The following FTO variants were observed in gnomAD, a reference collection of about 807,000 sequenced individuals.
The protein encoded by FTO is alpha-ketoglutarate-dependent dioxygenase FTO.
FTO carries 47 observed loss-of-function variants against 63.9 expected under a neutral mutation model. That is an observed-to-expected ratio of 0.74 (90% CI 0.58 to 0.94). The LOEUF (loss-of-function observed/expected upper bound fraction) is 0.94, where lower values mean the gene tolerates loss of function less well. Ranked by LOEUF, FTO falls within the 40% of genes least tolerant of loss-of-function variation. The pLI is 0.00. For synonymous variants in FTO, 207 were observed against 224.4 expected, an observed-to-expected ratio of 0.92 and a Z score of 0.69; for missense variants, 562 against 618.1, an observed-to-expected ratio of 0.91 and a Z score of 0.96.
intron 7 of FTO, among the ~76,000 whole-genome samples, chr16:53,913,754 G>A (rs1186657808): frequency 6.6e-6 from 1 of 152,068 alleles, no homozygotes; most frequent in African/African-American, 2.4e-5. Context: ...TGAGGTGGGT[G>A]GATCACCTGA....
chr16:54,030,196 C>T (rs1387481367), intron 8 of FTO, among the ~76,000 whole-genome samples: 1 of 152,124 alleles, frequency 6.6e-6, no homozygotes, highest in Non-Finnish European at 1.5e-5. Flanking sequence ...CCACCTTGTT[C>T]ATATGGAAGA....
chr16:54,002,272 G>A (rs13338892), intron 8 of FTO, among the ~76,000 whole-genome samples: 28,502 of 152,040 alleles, frequency 0.19, 3,268 homozygotes, highest in African/African-American at 0.31. Context: ...CTCCGACCTC[G>A]GCCTCCTGAA....
chr16:53,906,496 C>T (rs2081543942), intron 7 of FTO, among the ~76,000 whole-genome samples: 1 of 152,122 alleles, frequency 6.6e-6, no homozygotes, highest in Non-Finnish European at 1.5e-5. Flanking sequence ...GGGAGGGAAA[C>T]AGCTATGTTT....
At chr16:53,760,986 CT>C (rs1354827184) in intron 1 of FTO, among the ~76,000 whole-genome samples, 1 of 135,942 alleles carries the variant, frequency 7.4e-6, no homozygotes, top group Non-Finnish European at 1.5e-5. Flanking sequence ...TTGTTGTCTC[CT>C]TTTCTTTTTT....
At chr16:53,736,225 G>A (rs1160063620) in intron 1 of FTO, among the ~76,000 whole-genome samples, 1 of 152,068 alleles carries the variant, frequency 6.6e-6, no homozygotes, top group African/African-American at 2.4e-5. Context: ...GTATCGTACC[G>A]AGGTACGTCA....
chr16:54,068,494 G>A (rs1247439478), intron 8 of FTO, among the ~76,000 whole-genome samples: 6 of 152,064 alleles, frequency 3.9e-5, no homozygotes, highest in Non-Finnish European at 2.9e-5. Flanking sequence ...ACAGTTACCT[G>A]GCCCTATTGT....
intron 8 of FTO, among the ~76,000 whole-genome samples, chr16:53,971,030 C>T (rs1401401913): frequency 2.6e-5 from 4 of 152,288 alleles, no homozygotes; most frequent in East Asian, 1.9e-4. Context: ...ACTGCATATA[C>T]ATTTTATATA....
intron 8 of FTO, among the ~76,000 whole-genome samples, chr16:53,974,253 A>G (rs780565703): frequency 5.3e-5 from 8 of 152,214 alleles, no homozygotes; most frequent in Non-Finnish European, 1.0e-4. Flanking sequence ...CTAATAGTAC[A>G]GGGGTCTGAT....
At chr16:53,921,144 A>C (rs1426183354) in intron 7 of FTO, among the ~76,000 whole-genome samples, 1 of 152,240 alleles carries the variant, frequency 6.6e-6, no homozygotes, top group Non-Finnish European at 1.5e-5. Flanking sequence ...CAATGTTTCC[A>C]AACATATTCA....
intron 8 of FTO, among the ~76,000 whole-genome samples, chr16:54,027,493 CCTTTT>C (rs151148348): frequency 0.28 from 42,925 of 151,596 alleles, 6,242 homozygotes; most frequent in East Asian, 0.35. Flanking sequence ...CATTTTTATT[CCTTTT>C]CTTAGGAAAG....
At chr16:54,101,586 C>A (rs991908499) in intron 8 of FTO, among the ~76,000 whole-genome samples, 2 of 152,108 alleles carry the variant, frequency 1.3e-5, no homozygotes, top group African/African-American at 2.4e-5. Flanking sequence ...CAGGTTGATT[C>A]CATGTCTTTG....
At chr16:53,977,503 G>A (rs2083457174) in intron 8 of FTO, among the ~76,000 whole-genome samples, 2 of 152,134 alleles carry the variant, frequency 1.3e-5, no homozygotes. Flanking sequence ...TGATGTTACT[G>A]TTTTGAAGCT....
intron 8 of FTO, among the ~76,000 whole-genome samples, chr16:54,074,093 T>G (rs563440471): frequency 2.0e-5 from 3 of 151,726 alleles, no homozygotes; most frequent in South Asian, 2.1e-4. Context: ...TCGAAAACTG[T>G]TTTTTTTAAT....
At chr16:53,947,644 A>G (rs905213443) in intron 8 of FTO, among the ~76,000 whole-genome samples, 1 of 152,200 alleles carries the variant, frequency 6.6e-6, no homozygotes, top group African/African-American at 2.4e-5. Context: ...AAAATTGCCT[A>G]CTAAATAAAT....
chr16:53,742,035 C>T, intron 1 of FTO, among the ~76,000 whole-genome samples: 1 of 152,120 alleles, frequency 6.6e-6, no homozygotes. Flanking sequence ...CCCAGAGTAT[C>T]TGGGGAGAGT....
chr16:54,044,814 C>T, intron 8 of FTO, among the ~76,000 whole-genome samples: 1 of 83,118 alleles, frequency 1.2e-5, no homozygotes, highest in East Asian at 4.2e-4. Flanking sequence ...TCACTCAAAG[C>T]CGCTCAACTA....
chr16:53,900,203 T>C (rs180764516), intron 7 of FTO, among the ~76,000 whole-genome samples: 195 of 152,006 alleles, frequency 1.3e-3, no homozygotes, highest in Admixed American at 2.2e-3. Flanking sequence ...TGTCTTTTAA[T>C]TTTTTTTTCT....
chr16:54,100,944 G>A (rs141445206), intron 8 of FTO, among the ~76,000 whole-genome samples: 78 of 152,218 alleles, frequency 5.1e-4, no homozygotes, highest in Middle Eastern at 6.8e-3. Context: ...TGAAGAAAGC[G>A]TGGAGATGCC....
At chr16:53,956,092 G>A (rs1235714499) in intron 8 of FTO, among the ~76,000 whole-genome samples, 1 of 152,118 alleles carries the variant, frequency 6.6e-6, no homozygotes, top group Non-Finnish European at 1.5e-5. Flanking sequence ...ACAAAGGTGA[G>A]TGGTTTCATC....
Sources: gnomAD v4.1 joint callset for allele counts (sites outside exome capture counted in the v4.1 genomes callset) on GRCh38, gnomAD v4.1.1 for gene constraint, MANE v1.5 for transcripts, NCBI Gene and HGNC (gene_info 2026-07-23, HGNC 2026-07-21) for gene names.